The following TRIM5 variants were observed in gnomAD, a reference collection of about 807,000 sequenced individuals.
TRIM5 encodes tripartite motif containing 5.
A neutral mutation model predicts 35.6 loss-of-function variants in TRIM5; 31 were observed. That is an observed-to-expected ratio of 0.87 (90% CI 0.65 to 1.18). The LOEUF is 1.18. Among genes scored for constraint, TRIM5 ranks in the 50% most tolerant of loss-of-function variants. The pLI is 0.00. For missense variants in TRIM5, 609 were observed against 591.6 expected (o/e 1.03, Z -0.31); for synonymous variants, 243 against 215.6 (o/e 1.13, Z -1.11).
the TRIM5 span, among the ~76,000 whole-genome samples, chr11:5,598,100 G>A: frequency 1.3e-5 from 2 of 152,076 alleles, no homozygotes; most frequent in Non-Finnish European, 2.9e-5. Context: ...GATGCACTGG[G>A]CTCTGGGACT....
At chr11:5,650,007 C>T in the TRIM5 span, among the ~76,000 whole-genome samples, 1 of 152,238 alleles carries the variant, frequency 6.6e-6, no homozygotes, top group Middle Eastern at 3.4e-3. Context: ...TAAACATGGG[C>T]CCTTTGCTAC....
the TRIM5 span, chr11:5,643,256 C>T: frequency 6.2e-7 from 1 of 1,613,846 alleles, no homozygotes; most frequent in Non-Finnish European, 8.5e-7. Context: ...ATTATGGTGT[C>T]TTGGGATCCC....
chr11:5,678,513 TG>T, intron 3 of TRIM5, 79 bp from the exon 4 acceptor site: 1 of 1,224,308 alleles, frequency 8.2e-7, no homozygotes, highest in Non-Finnish European at 1.1e-6. Flanking sequence ...CTGTTTCTTT[TG>T]GGGAGTTCTC....
chr11:5,655,504 C>T, the TRIM5 span: 1 of 351,124 alleles, frequency 2.8e-6, no homozygotes, highest in Non-Finnish European at 4.0e-6. Context: ...ATTTTATAAG[C>T]CAGGATTAGT....
At chr11:5,594,365 T>C in the TRIM5 span, among the ~76,000 whole-genome samples, 1 of 152,180 alleles carries the variant, frequency 6.6e-6, no homozygotes, top group Non-Finnish European at 1.5e-5. Flanking sequence ...TAGAGAGCAG[T>C]AGCAGGATCA....
the TRIM5 span, among the ~76,000 whole-genome samples, chr11:5,627,575 T>C: frequency 1.3e-5 from 2 of 152,196 alleles, no homozygotes; most frequent in African/African-American, 2.4e-5. Flanking sequence ...AATGATTCTA[T>C]GTTAAAAAAT....
At chr11:5,593,453 ATAT>A in the TRIM5 span, among the ~76,000 whole-genome samples, 1 of 152,282 alleles carries the variant, frequency 6.6e-6, no homozygotes, top group South Asian at 2.1e-4. Flanking sequence ...TCCTGTGAAT[ATAT>A]TAGAGATTTC....
the TRIM5 span, chr11:5,604,862 G>T: frequency 2.0e-6 from 1 of 488,330 alleles, no homozygotes. Flanking sequence ...ACCATGGCTA[G>T]GGGTCGCCCC....
At chr11:5,610,593 C>G in the TRIM5 span, 1 of 1,605,200 alleles carries the variant, frequency 6.2e-7, no homozygotes, top group Non-Finnish European at 8.5e-7. Context: ...TTTGGGCTGG[C>G]ACATTCTGAT....
At chr11:5,606,852 C>G in the TRIM5 span, among the ~76,000 whole-genome samples, 9 of 152,292 alleles carry the variant, frequency 5.9e-5, no homozygotes, top group African/African-American at 1.9e-4. Flanking sequence ...GGAATTTTCC[C>G]ATCACAGACA....
At chr11:5,607,152 C>T in the TRIM5 span, among the ~76,000 whole-genome samples, 17 of 151,906 alleles carry the variant, frequency 1.1e-4, no homozygotes, top group Admixed American at 3.3e-4. Context: ...TGCAGTGAGC[C>T]GAGATCGCAC....
chr11:5,602,173 G>A, the TRIM5 span, among the ~76,000 whole-genome samples: 3 of 152,234 alleles, frequency 2.0e-5, no homozygotes, highest in African/African-American at 4.8e-5. Flanking sequence ...GGGTGCAGTG[G>A]CTCATGCCTG....
chr11:5,666,155 T>C, intron 5 of TRIM5, 74 bp from the exon 6 acceptor site: 2 of 1,290,806 alleles, frequency 1.5e-6, no homozygotes, highest in East Asian at 2.4e-5. Context: ...TGACTTCCTA[T>C]CATTTCAACC....
the TRIM5 span, among the ~76,000 whole-genome samples, chr11:5,593,788 A>G: frequency 6.6e-6 from 1 of 152,192 alleles, no homozygotes; most frequent in South Asian, 2.1e-4. Context: ...TCCTGAGTCT[A>G]GAACTGCAAG....
chr11:5,660,123 CCCA>C (rs1173151652), downstream of TRIM5, among the ~76,000 whole-genome samples: 1 of 151,990 alleles, frequency 6.6e-6, no homozygotes, highest in African/African-American at 2.4e-5. Flanking sequence ...ACTACAGGCG[CCCA>C]CCACCATGCC....
chr11:5,605,266 TC>T, the TRIM5 span: 1 of 1,605,722 alleles, frequency 6.2e-7, no homozygotes. Context: ...GAGCCCAACT[TC>T]CCCGCTTTTA....
At chr11:5,625,803 C>T in the TRIM5 span, among the ~76,000 whole-genome samples, 36,659 of 152,156 alleles carry the variant, frequency 0.24, 4,843 homozygotes, top group East Asian at 0.46. Flanking sequence ...TCACCTGTCT[C>T]AGAACTTGCT....
chr11:5,603,352 A>G, the TRIM5 span: 1 of 1,614,066 alleles, frequency 6.2e-7, no homozygotes, highest in Non-Finnish European at 8.5e-7. Flanking sequence ...AGAAGAGGTG[A>G]CCTGCCCTAT....
chr11:5,656,345 T>A, the TRIM5 span, among the ~76,000 whole-genome samples: 1 of 142,648 alleles, frequency 7.0e-6, no homozygotes, highest in East Asian at 2.1e-4. Flanking sequence ...GCGAAGGATA[T>A]GAACAGACAC....
Sources: gnomAD v4.1 joint callset for allele counts (sites outside exome capture counted in the v4.1 genomes callset) on GRCh38, gnomAD v4.1.1 for gene constraint, MANE v1.5 for transcripts, NCBI Gene and HGNC (gene_info 2026-07-23, HGNC 2026-07-21) for gene names.